Variants in LPCAT2 observed in about 807,000 individuals in gnomAD.
LPCAT2 encodes 1-AGP acyltransferase 11.
LPCAT2 carries 58 observed loss-of-function variants against 64.7 expected under a neutral mutation model. That is an observed-to-expected ratio of 0.90 (90% CI 0.73 to 1.12). LPCAT2 has a LOEUF of 1.12. Ranked by LOEUF, LPCAT2 falls within the 50% of genes most tolerant of loss-of-function variation. The pLI is 0.00. For synonymous variants in LPCAT2, 252 were observed against 245.3 expected (o/e 1.03, Z -0.26); for missense variants, 579 against 669.8 (o/e 0.86, Z 1.50).
intron 9 of LPCAT2, among the ~76,000 whole-genome samples, chr16:55,547,998 C>A (rs369105073): frequency 3.9e-5 from 6 of 152,168 alleles, no homozygotes; most frequent in African/African-American, 1.4e-4. Flanking sequence ...GAACTCCTGA[C>A]CTCGGGTGAT....
At chr16:55,517,728 C>A (rs944371640) in intron 1 of LPCAT2, among the ~76,000 whole-genome samples, 2 of 151,954 alleles carry the variant, frequency 1.3e-5, no homozygotes, top group South Asian at 4.1e-4. Flanking sequence ...GAATAAAGGG[C>A]ACAAGAAAAT....
chr16:55,560,894 T>G (rs1370533099), intron 11 of LPCAT2, among the ~76,000 whole-genome samples: 2 of 152,064 alleles, frequency 1.3e-5, no homozygotes, highest in African/African-American at 4.8e-5. Flanking sequence ...TACCAAGTTG[T>G]GCAGTCATCA....
chr16:55,586,050 A>T lies in LPCAT2; in HGVS notation c.*2952A>T, dbSNP rs1319270842. 6.6e-6 allele frequency: 1 copy of T among 152,142 alleles called. No homozygotes were observed. Among genetic ancestry groups the T allele is most frequent in the Non-Finnish European group, 1.5e-5 (1 of 68,020 alleles). The allele number at this position is 152,142 out of a possible 1,614,324, so 9.4% of individuals were successfully genotyped here. On this transcript the variant is annotated 3_prime_UTR_variant, in exon 14 of 14. Transcript: ENST00000262134. ...TGCAAGACCATTCCCGGGAAAGTAG[A>T]CATACTTACATTTTTTTCCTTTTCT...
intron 11 of LPCAT2, among the ~76,000 whole-genome samples, chr16:55,571,042 T>G (rs1335742938): frequency 6.6e-6 from 1 of 152,212 alleles, no homozygotes; most frequent in Non-Finnish European, 1.5e-5. Context: ...GATGATATAT[T>G]TCAGTTATAA....
intron 7 of LPCAT2, among the ~76,000 whole-genome samples, chr16:55,536,466 T>G (rs1963325274): frequency 6.6e-6 from 1 of 152,204 alleles, no homozygotes; most frequent in South Asian, 2.1e-4. Context: ...GTGGATTGAC[T>G]TTAGAGTTTA....
At chr16:55,546,714 A>C (rs1963457936) in intron 9 of LPCAT2, among the ~76,000 whole-genome samples, 1 of 152,230 alleles carries the variant, frequency 6.6e-6, no homozygotes, top group Non-Finnish European at 1.5e-5. Context: ...AAAATTTGCT[A>C]TTAAGTGTAT....
chr16:55,544,000 C>T (rs1463578527), intron 8 of LPCAT2, among the ~76,000 whole-genome samples: 2 of 152,196 alleles, frequency 1.3e-5, no homozygotes, highest in African/African-American at 4.8e-5. Flanking sequence ...ATGCCATCCT[C>T]CACATCCTCA....
At chr16:55,509,460 G>T in intron 1 of LPCAT2, 108 bp downstream of exon 1, 1 of 1,178,662 alleles carries the variant, frequency 8.5e-7, no homozygotes, top group African/African-American at 1.6e-5. Context: ...CGAGGGGGGC[G>T]TGGGTCTGAG....
intron 1 of LPCAT2, among the ~76,000 whole-genome samples, chr16:55,515,007 T>A (rs2142388184): frequency 6.6e-6 from 1 of 151,270 alleles, no homozygotes; most frequent in East Asian, 1.9e-4. Flanking sequence ...TCAACTGAGA[T>A]TATCTAGTTT....
At position 55,550,897 on chromosome 16, in the gene LPCAT2, T is replaced by A. The variant is rs1188701705; in HGVS notation, c.1062-52T>A. The stretch of plus-strand genomic sequence containing the variant: ...TAAAATAATGATCATAAAATGTGCA[T>A]GTGAATTGTAAAGGGCTAATAACAT... On this transcript the variant is annotated intron_variant, in intron 10 of 13. Coordinates refer to ENST00000262134, the MANE Select transcript of LPCAT2 (RefSeq NM_017839.5). 5.2e-5 allele frequency: 69 copies of A among 1,332,684 alleles called. No individual in the cohort carries two copies. In the Admixed American group the frequency reaches 1.6e-3, roughly 31 times the overall value. 82.6% of individuals were successfully genotyped at this position (1,332,684 alleles called of 1,614,324 possible). A position where few individuals can be genotyped will look rare whatever the true frequency, so the allele number is the denominator to read the frequency against.
At chr16:55,539,200 TTTG>T in intron 8 of LPCAT2, 1 of 152,116 alleles carries the variant, frequency 6.6e-6, no homozygotes, top group East Asian at 1.9e-4. Flanking sequence ...TCTTTTTTTT[TTTG>T]TCATGACCAT....
intron 11 of LPCAT2, among the ~76,000 whole-genome samples, chr16:55,553,961 T>C (rs1350537848): frequency 6.6e-6 from 1 of 152,198 alleles, no homozygotes; most frequent in African/African-American, 2.4e-5. Context: ...GCATTCTCAG[T>C]GAGCAGTAAT....
chr16:55,578,634 C>T (rs376318545), intron 12 of LPCAT2, among the ~76,000 whole-genome samples: 1 of 152,136 alleles, frequency 6.6e-6, no homozygotes. Context: ...TCTCAGTTCT[C>T]ATAGGATCAC....
intron 10 of LPCAT2, among the ~76,000 whole-genome samples, chr16:55,549,703 C>T (rs1963494072): frequency 1.3e-5 from 2 of 152,202 alleles, no homozygotes; most frequent in South Asian, 4.1e-4. Context: ...TTAGTCCTGC[C>T]ACCTTCTTAC....
At chr16:55,541,967 T>A in intron 8 of LPCAT2, 1 of 1,217,236 alleles carries the variant, frequency 8.2e-7, no homozygotes, top group African/African-American at 1.6e-5. Flanking sequence ...TTTGTTAAGA[T>A]TGTCCTTTTA....
chr16:55,565,149 T>C (rs916896996), intron 11 of LPCAT2, among the ~76,000 whole-genome samples: 17 of 151,982 alleles, frequency 1.1e-4, no homozygotes, highest in Non-Finnish European at 1.9e-4. Flanking sequence ...TACAATGTTA[T>C]ACCACTTTAC....
intron 12 of LPCAT2, among the ~76,000 whole-genome samples, chr16:55,575,537 G>A (rs1963817875): frequency 1.3e-5 from 2 of 152,106 alleles, no homozygotes; most frequent in Non-Finnish European, 2.9e-5. Flanking sequence ...GTACAGCCAC[G>A]TAGTTTCCTT....
Position 55,549,276 on chromosome 16 carries a change from G to T in LPCAT2, c.936-1G>T. On this transcript the variant is annotated splice_acceptor_variant, in intron 9 of 13. Transcript: ENST00000262134. LOFTEE classifies it high-confidence loss of function. ...TTTAGTTTGCTTCTTAATACTTTTAGAGCTCTGGGAATACCAGTAACAGAT... is the reference window on the plus strand; with the variant it reads ...TTTAGTTTGCTTCTTAATACTTTTATAGCTCTGGGAATACCAGTAACAGAT... 6.5e-7 allele frequency: 1 copy of T among 1,548,844 alleles called. No homozygotes were observed. Among genetic ancestry groups the T allele is most frequent in the South Asian group, 1.3e-5 (1 of 79,170 alleles).
Position 55,569,046 on chromosome 16 carries a change from G to A in LPCAT2, c.1216-5585G>A, listed in dbSNP as rs527644593. On this transcript the variant is annotated intron_variant, in intron 11 of 13. Transcript: ENST00000262134. Reference sequence around the variant, plus strand: ...CCAGGCTACTTTGGAGGGTCATCCCGAGTTTGCAGATAAATTCTTCCTTCC... The same window carrying A: ...CCAGGCTACTTTGGAGGGTCATCCCAAGTTTGCAGATAAATTCTTCCTTCC... 5.9e-5 allele frequency among the ~76,000 whole-genome samples: 9 copies of A among 152,192 alleles called. No individual in the cohort carries two copies. In the South Asian group the frequency reaches 1.5e-3, roughly 25 times the overall value.
Sources: gnomAD v4.1 joint callset for allele counts (sites outside exome capture counted in the v4.1 genomes callset) on GRCh38, gnomAD v4.1.1 for gene constraint, MANE v1.5 for transcripts, NCBI Gene and HGNC (gene_info 2026-07-23, HGNC 2026-07-21) for gene names.